Variants in CUX1 observed in about 807,000 individuals in gnomAD.
CUX1 encodes the protein protein CASP.
CUX1 carries 31 observed loss-of-function variants against 158.8 expected under a neutral mutation model. That is an observed-to-expected ratio of 0.20 (90% CI 0.15 to 0.26). CUX1 has a LOEUF of 0.26. Ranked by LOEUF, CUX1 falls within the 10% of genes least tolerant of loss-of-function variation. The probability of loss-of-function intolerance (pLI) is 1.00; values close to 1 mark genes in which losing one functional copy is unlikely to be tolerated. For missense variants in CUX1, 1,589 were observed against 2,014.6 expected, an observed-to-expected ratio of 0.79 and a Z score of 4.04; for synonymous variants, 879 against 862.1, an observed-to-expected ratio of 1.02 and a Z score of -0.34.
chr7:102,196,256 A>T (rs1216479880), intron 14 of CUX1, among the ~76,000 whole-genome samples: 7 of 152,142 alleles, frequency 4.6e-5, no homozygotes, highest in African/African-American at 1.7e-4. Flanking sequence ...TGGTCCTAAA[A>T]TGTCAGTGTT....
chr7:102,235,622 A>C (rs1554532389), intron 22 of CUX1, among the ~76,000 whole-genome samples: 1 of 151,516 alleles, frequency 6.6e-6, no homozygotes, highest in Admixed American at 6.6e-5. Context: ...GAATCGCTTG[A>C]ACCTGGGAGG....
chr7:102,114,012 G>A (rs1311624502), intron 7 of CUX1, among the ~76,000 whole-genome samples: 1 of 152,146 alleles, frequency 6.6e-6, no homozygotes, highest in African/African-American at 2.4e-5. Flanking sequence ...TGGCATTTAT[G>A]TAAAGCTCCA....
intron 3 of CUX1, among the ~76,000 whole-genome samples, chr7:102,049,178 G>A (rs1334161902): frequency 6.6e-6 from 1 of 152,224 alleles, no homozygotes; most frequent in Admixed American, 6.5e-5. Flanking sequence ...TTCACTGATA[G>A]TAAGAAATAG....
Position 101,817,918 on chromosome 7 carries a change from T to C in CUX1, c.30+249T>C, listed in dbSNP as rs1312980116. Among the ~76,000 whole-genome samples, 1 of 152,150 alleles carries C rather than the reference T, an allele frequency of 6.6e-6. No individual in the cohort carries two copies. Among genetic ancestry groups the C allele is most frequent in the Non-Finnish European group, 1.5e-5 (1 of 68,026 alleles). ...GTGACAGTGACCTACCGCAATACCTTTGGGAGCAAAGCTCGAGATGCAGGC... is the reference window on the plus strand; with the variant it reads ...GTGACAGTGACCTACCGCAATACCTCTGGGAGCAAAGCTCGAGATGCAGGC... On this transcript the variant is annotated intron_variant, in intron 1 of 23. Coordinates refer to ENST00000292535, the MANE Select transcript of CUX1 (RefSeq NM_181552.4). This position sits in a 1 kb window ranked among gnomAD's most constrained non-coding sequence, Gnocchi z 4.1.
intron 23 of CUX1, among the ~76,000 whole-genome samples, chr7:102,240,776 A>G (rs1231687402): frequency 6.6e-6 from 1 of 152,156 alleles, no homozygotes; most frequent in Non-Finnish European, 1.5e-5. Context: ...TAATCCTCAC[A>G]GCTCACAAAT....
At chr7:102,115,561 T>A in intron 8 of CUX1, 1 of 317,120 alleles carries the variant, frequency 3.2e-6, no homozygotes, top group East Asian at 5.7e-5. Flanking sequence ...ATTTTTTGTG[T>A]GGAGTTGAGT....
rs1554491470 is a variant in CUX1 at position 102,115,286 on chromosome 7, G to C, written c.674+13G>C. The C allele has an allele frequency of 6.2e-7, 1 of 1,606,874 alleles. No individual in the cohort carries two copies. Among genetic ancestry groups the C allele is most frequent in the Admixed American group, 1.7e-5 (1 of 57,158 alleles). On this transcript the variant is annotated intron_variant, in intron 8 of 23. Transcript: ENST00000292535. Reference sequence around the variant, plus strand: ...AAACTACTGCAAAGTAAGTCTCTCTGCTTGGCCTCCCTTATCCGTACACAT... The same window carrying C: ...AAACTACTGCAAAGTAAGTCTCTCTCCTTGGCCTCCCTTATCCGTACACAT...
In CUX1 at chr7:102,070,401, A is replaced by G. The variant is rs767280271; in HGVS notation, c.252A>G (p.Arg84=). The part of the protein sequence containing the change: ...AEAAFLNVYK[R]LIDVPDPVPA... Reference sequence around the variant, plus strand: ...CAGCTTTCTTGAATGTCTACAAAAGATTGATTGACGTCCCAGGTAAGCCCC... The same window carrying G: ...CAGCTTTCTTGAATGTCTACAAAAGGTTGATTGACGTCCCAGGTAAGCCCC... Residue 84 remains arginine, a synonymous_variant, in exon 4 of 24, where the codon AGA becomes AGG. Transcript: ENST00000292535. 1.2e-6 allele frequency: 2 copies of G among 1,610,416 alleles called. No individual in the cohort carries two copies.
At chr7:102,189,184 C>G (rs1304875462) in intron 11 of CUX1, among the ~76,000 whole-genome samples, 1 of 152,134 alleles carries the variant, frequency 6.6e-6, no homozygotes, top group East Asian at 1.9e-4. Flanking sequence ...GTGTTGACAA[C>G]CAGCTGTATG....
At chr7:102,168,179 G>A (rs1791264048) in intron 9 of CUX1, among the ~76,000 whole-genome samples, 1 of 151,954 alleles carries the variant, frequency 6.6e-6, no homozygotes, top group Non-Finnish European at 1.5e-5. Context: ...CCTTCCTGAT[G>A]GCTGGTTCTA....
chr7:101,846,776 T>G (rs1795745081), intron 1 of CUX1, among the ~76,000 whole-genome samples: 1 of 152,050 alleles, frequency 6.6e-6, no homozygotes, highest in Admixed American at 6.5e-5. Flanking sequence ...GCTAGCTTGA[T>G]AGTGGGAGAC....
intron 2 of CUX1, among the ~76,000 whole-genome samples, chr7:101,938,562 T>G (rs1807229410): frequency 6.6e-6 from 1 of 152,202 alleles, no homozygotes; most frequent in South Asian, 2.1e-4. Context: ...AGGTGTCCAC[T>G]TTGATGAATT....
chr7:102,057,652 C>T (rs2130274011), intron 3 of CUX1, among the ~76,000 whole-genome samples: 1 of 152,226 alleles, frequency 6.6e-6, no homozygotes, highest in East Asian at 1.9e-4. Flanking sequence ...GAAATGGAGC[C>T]TGAAGATGTG....
intron 2 of CUX1, among the ~76,000 whole-genome samples, chr7:101,972,576 C>T (rs1285695587): frequency 6.6e-6 from 1 of 152,180 alleles, no homozygotes; most frequent in Admixed American, 6.5e-5. Context: ...ACACATCTGC[C>T]CTTTGCTCCT....
At position 102,154,786 on chromosome 7, in the gene CUX1, T is replaced by C. The variant is rs533163303; in HGVS notation, c.675-3774T>C. ...CAAATAACAGTAGTCTCAAACAGAA[T>C]AGAAGTATTCAAATGAAAATAGCCA... On this transcript the variant is annotated intron_variant, in intron 8 of 23. Coordinates refer to ENST00000292535, the MANE Select transcript of CUX1 (RefSeq NM_181552.4). Among the ~76,000 whole-genome samples the C allele has an allele frequency of 2.6e-5, 4 of 152,082 alleles. No individual in the cohort carries two copies. The South Asian group carries it at 8.3e-4, about 32-fold the overall frequency.
intron 20 of CUX1, among the ~76,000 whole-genome samples, chr7:102,209,510 A>T (rs1248065803): frequency 6.6e-6 from 1 of 152,210 alleles, no homozygotes; most frequent in Admixed American, 6.5e-5. Context: ...TTAAGAGACA[A>T]ATCTTCAGAT....
At chr7:102,228,676 G>T (rs531651534) in intron 21 of CUX1, among the ~76,000 whole-genome samples, 61 of 152,290 alleles carry the variant, frequency 4.0e-4, no homozygotes, top group African/African-American at 1.4e-3. Flanking sequence ...GTGCACGCCT[G>T]TAGTTCAGCT....
chr7:102,182,810 G>A (rs1793236949), intron 11 of CUX1, among the ~76,000 whole-genome samples: 1 of 152,178 alleles, frequency 6.6e-6, no homozygotes, highest in Admixed American at 6.6e-5. Flanking sequence ...CACTGTACTT[G>A]CTACAGCACA....
Position 102,065,479 on chromosome 7 carries a change from C to G in CUX1, c.190-4860C>G, listed in dbSNP as rs559354829. Reference sequence around the variant, plus strand: ...AAATTGTTGGGATTACAGGCCTGAGCCACTGCGCCCAGCCTTGAGGCCCAT... The same window carrying G: ...AAATTGTTGGGATTACAGGCCTGAGGCACTGCGCCCAGCCTTGAGGCCCAT... On this transcript the variant is annotated intron_variant, in intron 3 of 23. Transcript: ENST00000292535. 4.1e-4 allele frequency among the ~76,000 whole-genome samples: 63 copies of G among 152,358 alleles called. 1 individual carries two copies. In the South Asian group the frequency reaches 0.013, roughly 32 times the overall value.
Sources: allele counts gnomAD v4.1 joint callset (sites outside exome capture counted in the v4.1 genomes callset), GRCh38; gene constraint gnomAD v4.1.1; non-coding constraint Gnocchi (gnomAD v3.1); transcripts MANE v1.5; gene names NCBI Gene and HGNC (gene_info 2026-07-23, HGNC 2026-07-21).